MEP1B: variants seen among roughly 807,000 people sequenced by gnomAD.
MEP1B encodes meprin A subunit beta, also known as N-benzoyl-L-tyrosyl-P-amino-benzoic acid hydrolase subunit beta.
A neutral mutation model predicts 84.6 loss-of-function variants in MEP1B; 80 were observed. The observed-to-expected ratio is 0.95, with a 90% CI of 0.79 to 1.14. MEP1B has a LOEUF of 1.14. MEP1B is among the 50% of genes most tolerant of loss of function. MEP1B has a pLI of 0.00. For missense variants in MEP1B, 766 were observed against 855.1 expected (o/e 0.90, Z 1.30); for synonymous variants, 273 against 288.1 (o/e 0.95, Z 0.53).
At position 32,207,150 on chromosome 18, in the gene MEP1B, G is replaced by T. The variant is rs537721018; in HGVS notation, c.548-102G>T. The stretch of plus-strand genomic sequence containing the variant: ...ACTGTTGTTAGTTGTAGCAAAAATT[G>T]CTTGAGTTTATTATATTCTCCATTT... On this transcript the variant is annotated intron_variant, in intron 7 of 14. Coordinates refer to ENST00000269202, the MANE Select transcript of MEP1B (RefSeq NM_005925.3). 5 of 709,202 alleles carry T rather than the reference G, an allele frequency of 7.1e-6. No individual in the cohort carries two copies. The Admixed American group carries it at 1.3e-4, about 19-fold the overall frequency. The allele number at this position is 709,202 out of a possible 1,614,324, so 43.9% of individuals were successfully genotyped here.
At chr18:32,199,660 T>TTCCTTCCTTCCTTCCTTCC (rs1256249848) in intron 5 of MEP1B, among the ~76,000 whole-genome samples, 41 of 96,594 alleles carry the variant, frequency 4.2e-4, no homozygotes, top group Admixed American at 1.3e-3. Flanking sequence ...CTTTTTTTCC[T>TTCCTTCCTTCCTTCCTTCC]TTCGTTCGTT....
At chr18:32,207,165 A>T in intron 7 of MEP1B, 87 bp from the exon 8 acceptor site, 2 of 832,634 alleles carry the variant, frequency 2.4e-6, no homozygotes, top group Non-Finnish European at 3.8e-6. Flanking sequence ...AGTTTATTAT[A>T]TTCTCCATTT....
At position 32,207,380 on chromosome 18, in the gene MEP1B, A is replaced by G; in HGVS notation, c.676A>G (p.Thr226Ala). 6.2e-7 allele frequency: 1 copy of G among 1,613,528 alleles called. No individual in the cohort carries two copies. Among genetic ancestry groups the G allele is most frequent in the South Asian group, 1.1e-5 (1 of 90,906 alleles). The change falls in exon 8 of 15, where the codon ACA becomes GCA. Residue 226 changes from threonine to alanine, a missense_variant. Physicochemically the swap from Thr to Ala is moderately conservative, Grantham distance 58. Coordinates refer to ENST00000269202, the MANE Select transcript of MEP1B (RefSeq NM_005925.3). Reference sequence around the variant, plus strand: ...AAATGGAACAGAGCCGACAATTGTCACAAGAATCTCAGACTTTGAGGATGT... The same window carrying G: ...AAATGGAACAGAGCCGACAATTGTCGCAAGAATCTCAGACTTTGAGGATGT... The part of the protein sequence containing the change: ...FQNGTEPTIV[T>A]RISDFEDVIG...
chr18:32,195,167 T>C (rs899735114), intron 4 of MEP1B, among the ~76,000 whole-genome samples: 2 of 152,184 alleles, frequency 1.3e-5, no homozygotes, highest in African/African-American at 4.8e-5. Context: ...CCAACAGTTA[T>C]TTTTTGCATT....
Position 32,203,547 on chromosome 18 carries a change from A to G in MEP1B, c.368+537A>G, listed in dbSNP as rs186893343. 5.0e-3 allele frequency among the ~76,000 whole-genome samples: 759 copies of G among 152,318 alleles called. 4 individuals are homozygous for G. The highest frequency in any genetic ancestry group is 0.027 in the Middle Eastern group (8 of 294). On this transcript the variant is annotated intron_variant, in intron 6 of 14. Coordinates refer to ENST00000269202, the MANE Select transcript of MEP1B (RefSeq NM_005925.3). ...CCTTGAGGACGATTTGCTCCTATGT[A>G]ATATTTGGTGTTAGGGCAAGTTCTT...
At chr18:32,217,738 T>C in intron 13 of MEP1B, 23 bp from the exon 14 acceptor site, 1 of 1,596,320 alleles carries the variant, frequency 6.3e-7, no homozygotes, top group Non-Finnish European at 8.6e-7. Context: ...CTAATAACTC[T>C]GAGTCATGCT....
chr18:32,217,285 C>G (rs1188276567), intron 13 of MEP1B, among the ~76,000 whole-genome samples, 168 bp downstream of exon 13: 1 of 152,064 alleles, frequency 6.6e-6, no homozygotes, highest in African/African-American at 2.4e-5. Context: ...TGGATAACCT[C>G]AAGAACTATC....
At chr18:32,197,873 C>T (rs1568265245) in intron 5 of MEP1B, among the ~76,000 whole-genome samples, 2 of 152,208 alleles carry the variant, frequency 1.3e-5, no homozygotes, top group East Asian at 3.9e-4. Flanking sequence ...GTGGCTTCTT[C>T]AACCCTTTTC....
chr18:32,216,799 C>T lies in MEP1B; in HGVS notation c.1760-192C>T, dbSNP rs139875754. ...CGCCTATAATCCCAGGACTCTGAGG[C>T]CGGAGTGGAAAGGCTGTCTGAGCCT... On this transcript the variant is annotated intron_variant, in intron 12 of 14. Coordinates refer to ENST00000269202, the MANE Select transcript of MEP1B (RefSeq NM_005925.3). 2.6e-3 allele frequency among the ~76,000 whole-genome samples: 388 copies of T among 151,844 alleles called. 1 individual carries two copies. The highest frequency in any genetic ancestry group is 8.7e-3 in the African/African-American group (358 of 41,386).
In MEP1B at chr18:32,192,819, T is replaced by G; in HGVS notation, c.171+2T>G. The G allele has an allele frequency of 6.2e-7, 1 of 1,610,682 alleles. No individual in the cohort carries two copies. Among genetic ancestry groups the G allele is most frequent in the East Asian group, 2.2e-5 (1 of 44,792 alleles). ...GAGGGTGACATCAGACTTGATAGGG[T>G]GAGTTGAAACAGTATAAGGAAGAAT... On this transcript the variant is annotated splice_donor_variant, in intron 4 of 14. Transcript: ENST00000269202. LOFTEE classifies it high-confidence loss of function.
chr18:32,203,270 C>T, intron 6 of MEP1B: 1 of 338,220 alleles, frequency 3.0e-6, no homozygotes, highest in South Asian at 7.6e-5. Context: ...AATTTCAGCC[C>T]GTTTGTAATT....
chr18:32,217,002 C>A lies in MEP1B; in HGVS notation c.1771C>A (p.Leu591Ile). Residue 591 changes from leucine (L) to isoleucine (I), a missense_variant, in exon 13 of 15, where the codon CTC becomes ATC. Transcript: ENST00000269202. Reference protein sequence around the residue: ...ILLTVEDISHLNSTQIQLTPA... With the variant: ...ILLTVEDISHINSTQIQLTPA... The stretch of plus-strand genomic sequence containing the variant: ...CCCCATCTTCCTAGACATATCTCAC[C>A]TCAACTCTACACAAATCCAGCTAAC... 1 of 1,613,902 alleles carries A rather than the reference C, an allele frequency of 6.2e-7. No homozygotes were observed. The highest frequency in any genetic ancestry group is 8.5e-7 in the Non-Finnish European group (1 of 1,179,840).
intron 14 of MEP1B, 115 bp from the exon 15 acceptor site, chr18:32,220,116 C>G: frequency 1.0e-6 from 1 of 965,710 alleles, no homozygotes; most frequent in Non-Finnish European, 1.6e-6. Context: ...GGAGGGAGGC[C>G]AGGAGACTGC....
rs762622905 is a variant in MEP1B at position 32,220,214 on chromosome 18, G to T, written c.2092-17G>T. ...AAATTTAGAAATTAAATCATCAATT[G>T]TTCTTTCCCCTTTTAGCAGCATGCT... On this transcript the variant is annotated splice_polypyrimidine_tract_variant and intron_variant, in intron 14 of 14. Coordinates refer to ENST00000269202, the MANE Select transcript of MEP1B (RefSeq NM_005925.3). The T allele has an allele frequency of 1.7e-5, 27 of 1,600,684 alleles. No individual in the cohort carries two copies. Among genetic ancestry groups the T allele is most frequent in the Non-Finnish European group, 2.2e-5 (26 of 1,171,862 alleles).
intron 5 of MEP1B, among the ~76,000 whole-genome samples, chr18:32,199,497 G>A (rs2040887150): frequency 1.3e-5 from 2 of 151,564 alleles, no homozygotes. Flanking sequence ...GTAGTTAGCG[G>A]GGTTGGAAGC....
At chr18:32,191,266 T>G (rs544864308) in intron 1 of MEP1B, among the ~76,000 whole-genome samples, 2 of 151,672 alleles carry the variant, frequency 1.3e-5, no homozygotes, top group Non-Finnish European at 3.0e-5. Flanking sequence ...TTGTGGAGAA[T>G]CTATTTTCAG....
chr18:32,209,963 C>A (rs1478659454), intron 9 of MEP1B, among the ~76,000 whole-genome samples: 1 of 152,212 alleles, frequency 6.6e-6, no homozygotes, highest in Non-Finnish European at 1.5e-5. Context: ...TCTCTACCCA[C>A]CCAAGTTTCA....
chr18:32,197,414 T>TTG (rs1211774720), intron 5 of MEP1B, among the ~76,000 whole-genome samples: 4 of 150,968 alleles, frequency 2.6e-5, no homozygotes, highest in South Asian at 2.1e-4. Flanking sequence ...TGTTTTTTTT[T>TTG]TTTTGTTTTG....
At chr18:32,195,262 C>T in intron 4 of MEP1B, 145 bp from the exon 5 acceptor site, 1 of 498,448 alleles carries the variant, frequency 2.0e-6, no homozygotes, top group East Asian at 3.1e-5. Context: ...AAAAGTAGGG[C>T]TACACACACA....
Sources: allele counts gnomAD v4.1 joint callset (sites outside exome capture counted in the v4.1 genomes callset), GRCh38; gene constraint gnomAD v4.1.1; transcripts MANE v1.5; gene names NCBI Gene and HGNC (gene_info 2026-07-23, HGNC 2026-07-21).